ARFIP1: variants seen among roughly 807,000 people sequenced by gnomAD.
ARFIP1 encodes the protein arfaptin-1.
ARFIP1 carries 24 observed loss-of-function variants against 42.5 expected under a neutral mutation model. The observed-to-expected ratio is 0.57, with a 90% CI of 0.41 to 0.80. The LOEUF (loss-of-function observed/expected upper bound fraction) is 0.80, where lower values mean the gene tolerates loss of function less well. Ranked by LOEUF, ARFIP1 falls within the 30% of genes least tolerant of loss-of-function variation. The pLI, the probability that ARFIP1 is intolerant of heterozygous loss-of-function variation, is 0.00. For synonymous variants in ARFIP1, 141 were observed against 153.7 expected (o/e 0.92, Z 0.61); for missense variants, 354 against 434.0 (o/e 0.82, Z 1.64).
intron 5 of ARFIP1, among the ~76,000 whole-genome samples, chr4:152,876,393 C>T (rs61380270): frequency 0.014 from 2,140 of 152,268 alleles, 28 homozygotes; most frequent in African/African-American, 0.034. Context: ...GCATTTTGCC[C>T]CTACCCTAGA....
chr4:152,880,024 T>C (rs1644920832), intron 5 of ARFIP1, among the ~76,000 whole-genome samples: 1 of 152,088 alleles, frequency 6.6e-6, no homozygotes, highest in Admixed American at 6.5e-5. Flanking sequence ...CCATGTGCTT[T>C]GAAATTAGAT....
At chr4:152,830,147 G>A (rs1731155634) in intron 2 of ARFIP1, among the ~76,000 whole-genome samples, 1 of 152,112 alleles carries the variant, frequency 6.6e-6, no homozygotes, top group Non-Finnish European at 1.5e-5. Context: ...TTGACTCAGT[G>A]GAAAATGATA....
intron 3 of ARFIP1, among the ~76,000 whole-genome samples, chr4:152,866,854 A>G (rs1349319914): frequency 3.4e-5 from 5 of 146,752 alleles, no homozygotes; most frequent in Non-Finnish European, 6.0e-5. Context: ...TTCACATCCC[A>G]GACGGGGCGG....
At chr4:152,823,597 G>T (rs971160821) in intron 1 of ARFIP1, among the ~76,000 whole-genome samples, 3 of 151,774 alleles carry the variant, frequency 2.0e-5, no homozygotes, top group African/African-American at 7.3e-5. Flanking sequence ...CAGCCAACAT[G>T]GTGAAACCCC....
At chr4:152,896,979 C>T (rs1579034132) in intron 8 of ARFIP1, among the ~76,000 whole-genome samples, 1 of 152,162 alleles carries the variant, frequency 6.6e-6, no homozygotes, top group Admixed American at 6.5e-5. Flanking sequence ...AGTGCAATAT[C>T]GTACCTTTCA....
chr4:152,900,158 A>G (rs530146534), intron 8 of ARFIP1, among the ~76,000 whole-genome samples: 3 of 151,402 alleles, frequency 2.0e-5, no homozygotes, highest in Admixed American at 2.0e-4. Flanking sequence ...GGAGAAAATG[A>G]GAGAGGGAGA....
chr4:152,860,871 A>G (rs941572728), intron 2 of ARFIP1, among the ~76,000 whole-genome samples: 5 of 152,250 alleles, frequency 3.3e-5, no homozygotes, highest in Non-Finnish European at 5.9e-5. Flanking sequence ...TTTAGATTTC[A>G]TAGACAGCCT....
chr4:152,852,051 T>A (rs11735258), intron 2 of ARFIP1, among the ~76,000 whole-genome samples: 57,886 of 152,140 alleles, frequency 0.38, 12,082 homozygotes, highest in Admixed American at 0.49. Context: ...AAAATATTTT[T>A]AAAAACTATT....
At chr4:152,802,649 G>C (rs1728516245) in intron 1 of ARFIP1, among the ~76,000 whole-genome samples, 1 of 152,146 alleles carries the variant, frequency 6.6e-6, no homozygotes, top group South Asian at 2.1e-4. Flanking sequence ...GTCTTACGCA[G>C]TTCCACAAAT....
At chr4:152,781,284 G>T (rs141018803) in intron 1 of ARFIP1, among the ~76,000 whole-genome samples, 6,684 of 136,736 alleles carry the variant, frequency 0.049, 529 homozygotes, top group African/African-American at 0.17. Context: ...CGCCCAGGCT[G>T]GAGTGCATTG....
chr4:152,799,129 A>G lies in ARFIP1; in HGVS notation c.-10+18903A>G, dbSNP rs1731648309. 2.0e-5 allele frequency among the ~76,000 whole-genome samples: 3 copies of G among 152,336 alleles called. No individual in the cohort carries two copies. In the South Asian group the frequency reaches 6.2e-4, roughly 32 times the overall value. ...AAATGATCTTATGAAATTAATTTTT[A>G]CTTATTGCAGTGTGCATTTTTACAT... is the stretch of plus-strand genomic sequence containing the variant. On this transcript the variant is annotated intron_variant, in intron 1 of 8. Transcript: ENST00000353617.
At chr4:152,868,005 T>C (rs998135302) in intron 3 of ARFIP1, among the ~76,000 whole-genome samples, 2 of 152,180 alleles carry the variant, frequency 1.3e-5, no homozygotes, top group African/African-American at 4.8e-5. Flanking sequence ...ATAGGTCTTA[T>C]GAAAAAATGT....
intron 1 of ARFIP1, among the ~76,000 whole-genome samples, chr4:152,822,618 T>C (rs1172191665): frequency 6.6e-6 from 1 of 152,198 alleles, no homozygotes; most frequent in African/African-American, 2.4e-5. Flanking sequence ...AACATGATTC[T>C]CATCAGCACA....
chr4:152,905,546 T>C (rs1319198334), intron 8 of ARFIP1, among the ~76,000 whole-genome samples: 2 of 79,568 alleles, frequency 2.5e-5, no homozygotes, highest in African/African-American at 1.1e-4. Flanking sequence ...GTAAGAATTG[T>C]TTTTTTTTTT....
intron 1 of ARFIP1, among the ~76,000 whole-genome samples, chr4:152,816,981 C>A (rs2149836757): frequency 2.0e-5 from 3 of 152,314 alleles, no homozygotes; most frequent in Middle Eastern, 6.8e-3. Context: ...CCTCTTCATG[C>A]TCACAACACT....
At chr4:152,826,491 G>T (rs1440452118) in intron 1 of ARFIP1, among the ~76,000 whole-genome samples, 2 of 152,144 alleles carry the variant, frequency 1.3e-5, no homozygotes, top group Non-Finnish European at 2.9e-5. Flanking sequence ...GTGCTGGGGA[G>T]TGAGGGATAA....
At chr4:152,880,405 A>G (rs188527815) in intron 5 of ARFIP1, among the ~76,000 whole-genome samples, 83 of 152,242 alleles carry the variant, frequency 5.5e-4, no homozygotes, top group Non-Finnish European at 8.5e-4. Context: ...GCAGAATACA[A>G]TAACATAACA....
intron 7 of ARFIP1, among the ~76,000 whole-genome samples, chr4:152,883,677 G>A (rs1004985201): frequency 2.7e-5 from 4 of 150,670 alleles, no homozygotes; most frequent in African/African-American, 9.7e-5. Flanking sequence ...GTTAAATGGT[G>A]AACAAAATAT....
intron 1 of ARFIP1, among the ~76,000 whole-genome samples, chr4:152,807,944 C>T (rs2149829854): frequency 6.6e-6 from 1 of 152,124 alleles, no homozygotes; most frequent in Non-Finnish European, 1.5e-5. Flanking sequence ...CTCTTTGGTT[C>T]TGGTCTCATT....
Sources: gnomAD v4.1 joint callset for allele counts (sites outside exome capture counted in the v4.1 genomes callset) on GRCh38, gnomAD v4.1.1 for gene constraint, MANE v1.5 for transcripts, NCBI Gene and HGNC (gene_info 2026-07-23, HGNC 2026-07-21) for gene names.